The following NDUFB4 variants were observed in gnomAD, a reference collection of about 807,000 sequenced individuals.
NDUFB4 encodes the protein NADH dehydrogenase [ubiquinone] 1 beta subcomplex subunit 4.
A neutral mutation model predicts 14.5 loss-of-function variants in NDUFB4; 10 were observed. The observed-to-expected ratio is 0.69, with a 90% confidence interval of 0.43 to 1.17. NDUFB4 has a LOEUF of 1.17. Ranked by LOEUF, NDUFB4 falls within the 50% of genes most tolerant of loss-of-function variation. NDUFB4 has a pLI of 0.00. For missense variants in NDUFB4, 165 were observed against 161.1 expected (o/e 1.02, Z -0.13); for synonymous variants, 65 against 63.4 (o/e 1.03, Z -0.12).
At position 120,601,544 on chromosome 3, in the gene NDUFB4, G is replaced by A. The variant is rs560914091; in HGVS notation, c.327+287G>A. ...ACATAAATCATTTAGTACGTTTCCT[G>A]TTTGCGTGAATTCTATTTATGTTGG... is the stretch of plus-strand genomic sequence containing the variant. On this transcript the variant is annotated intron_variant, in intron 2 of 2. Transcript: ENST00000184266. 1.4e-5 allele frequency: 17 copies of A among 1,240,036 alleles called. No individual in the cohort carries two copies. In the African/African-American group the frequency reaches 2.5e-4, roughly 18 times the overall value. The allele number at this position is 1,240,036 out of a possible 1,614,324, so 76.8% of individuals were successfully genotyped here. A position where few individuals can be genotyped will look rare whatever the true frequency, so the allele number is the denominator to read the frequency against.
chr3:120,596,701 C>T, intron 1 of NDUFB4, 162 bp downstream of exon 1: 1 of 780,060 alleles, frequency 1.3e-6, no homozygotes, highest in Non-Finnish European at 2.0e-6. Context: ...CAGAGCTTGG[C>T]CCTCGAGAGG....
At chr3:120,598,072 A>G (rs1195282901) in intron 1 of NDUFB4, among the ~76,000 whole-genome samples, 3 of 147,380 alleles carry the variant, frequency 2.0e-5, no homozygotes, top group African/African-American at 7.6e-5. Context: ...TTTTCCCTTG[A>G]GACAGGATCT....
intron 1 of NDUFB4, among the ~76,000 whole-genome samples, chr3:120,598,137 C>T (rs1939998089): frequency 6.6e-6 from 1 of 151,558 alleles, no homozygotes; most frequent in East Asian, 1.9e-4. Flanking sequence ...ACTGCAACCT[C>T]TGCCTCCCGG....
intron 1 of NDUFB4, among the ~76,000 whole-genome samples, chr3:120,598,876 A>G (rs1940010314): frequency 6.6e-6 from 1 of 152,168 alleles, no homozygotes; most frequent in Non-Finnish European, 1.5e-5. Context: ...AAGGACTTTT[A>G]CTGAATAGAG....
At chr3:120,598,948 A>G (rs1015674416) in intron 1 of NDUFB4, among the ~76,000 whole-genome samples, 4 of 152,076 alleles carry the variant, frequency 2.6e-5, no homozygotes, top group Non-Finnish European at 4.4e-5. Context: ...ACTATGGGGG[A>G]AAGGACAGGA....
intron 1 of NDUFB4, 27 bp from the exon 2 acceptor site, chr3:120,601,084 A>T: frequency 6.3e-7 from 1 of 1,583,214 alleles, no homozygotes; most frequent in Non-Finnish European, 8.6e-7. Context: ...CTTAAGTTCT[A>T]TAACTTTTTG....
At chr3:120,600,130 T>G (rs965313584) in intron 1 of NDUFB4, among the ~76,000 whole-genome samples, 3 of 147,534 alleles carry the variant, frequency 2.0e-5, no homozygotes, top group Non-Finnish European at 3.0e-5. Flanking sequence ...TGTTTTTTTT[T>G]TTTTTTAAAC....
At chr3:120,597,065 T>C (rs1939975383) in intron 1 of NDUFB4, among the ~76,000 whole-genome samples, 2 of 147,196 alleles carry the variant, frequency 1.4e-5, no homozygotes, top group African/African-American at 5.0e-5. Flanking sequence ...TATATGCATA[T>C]ATATTTTATA....
intron 2 of NDUFB4, chr3:120,602,003 C>T (rs768169074): frequency 1.4e-5 from 19 of 1,313,848 alleles, no homozygotes; most frequent in East Asian, 3.0e-5. Context: ...TTTAGTTCCT[C>T]GGATTACTGT....
At chr3:120,598,829 G>T (rs1235243274) in intron 1 of NDUFB4, among the ~76,000 whole-genome samples, 1 of 152,172 alleles carries the variant, frequency 6.6e-6, no homozygotes, top group African/African-American at 2.4e-5. Context: ...TGAGGGCAGA[G>T]TGGGACAAGA....
rs973437489 is a variant in NDUFB4 at position 120,596,668 on chromosome 3, A to G, written c.180+129A>G. The G allele has an allele frequency of 1.4e-4, 140 of 1,032,884 alleles. 1 individual carries two copies. Among genetic ancestry groups the G allele is most frequent in the Non-Finnish European group, 3.3e-5 (23 of 700,392 alleles). 64.0% of individuals were successfully genotyped at this position (1,032,884 alleles called of 1,614,324 possible). ...GCAGGTCCTCTTCCAGGCCTAGCCA[A>G]CTCACTACCCTTTTACCTTTGCCAG... is the stretch of plus-strand genomic sequence containing the variant. On this transcript the variant is annotated intron_variant, in intron 1 of 2. Coordinates refer to ENST00000184266, the MANE Select transcript of NDUFB4 (RefSeq NM_004547.6).
intron 1 of NDUFB4, among the ~76,000 whole-genome samples, chr3:120,600,117 TTTTG>T (rs966502536): frequency 6.9e-6 from 1 of 145,066 alleles, no homozygotes. Context: ...AGGTTTTTTT[TTTTG>T]TTTTTTTTTT....
Position 120,596,504 on chromosome 3 carries a change from C to G in NDUFB4, c.145C>G (p.Leu49Val). The G allele has an allele frequency of 6.2e-7, 1 of 1,613,972 alleles. No homozygotes were observed. Among genetic ancestry groups the G allele is most frequent in the Non-Finnish European group, 8.5e-7 (1 of 1,179,946 alleles). The part of the protein sequence containing the change: ...IRAQLKREYL[L>V]QYNDPNRRGL... ...AGCCCAGCTGAAACGAGAGTACCTG[C>G]TTCAGTACAACGATCCCAACCGCCG... Residue 49 changes from leucine (L) to valine (V), a missense_variant, in exon 1 of 3, where the codon CTT becomes GTT. By Grantham distance (32) the Leu-to-Val change is conservative. Transcript: ENST00000184266.
At chr3:120,601,542 C>A in intron 2 of NDUFB4, 1 of 1,250,056 alleles carries the variant, frequency 8.0e-7, no homozygotes, top group Non-Finnish European at 1.0e-6. Flanking sequence ...AGTACGTTTC[C>A]TGTTTGCGTG....
chr3:120,601,796 TGGC>T (rs1440215106), intron 2 of NDUFB4: 7 of 1,022,626 alleles, frequency 6.8e-6, no homozygotes, highest in Non-Finnish European at 8.2e-6. Context: ...TGTCTTTAAC[TGGC>T]CCATCTGCAT....
Position 120,602,458 on chromosome 3 carries a change from A to G in NDUFB4, c.*188A>G. 1 of 555,326 alleles carries G rather than the reference A, an allele frequency of 1.8e-6. No homozygotes were observed. Among genetic ancestry groups the G allele is most frequent in the Non-Finnish European group, 3.2e-6 (1 of 313,492 alleles). 34.4% of individuals were successfully genotyped at this position (555,326 alleles called of 1,614,324 possible). On this transcript the variant is annotated 3_prime_UTR_variant, in exon 3 of 3. Coordinates refer to ENST00000184266, the MANE Select transcript of NDUFB4 (RefSeq NM_004547.6). ...GAGTGACAGCAAACATTTGCTGTAC[A>G]TTGAATGAATGAACATAAACTTCAT...
chr3:120,596,966 ATATATATATTC>A (rs1249963399), intron 1 of NDUFB4, among the ~76,000 whole-genome samples: 17 of 145,792 alleles, frequency 1.2e-4, no homozygotes, highest in Admixed American at 1.2e-3. Flanking sequence ...ATATTATATT[ATATATATATTC>A]TATATATATG....
Position 120,602,096 on chromosome 3 carries a change from G to T in NDUFB4, c.328-112G>T, listed in dbSNP as rs369580076. ...TCATTCTGTTTGTCAGTTGTACGGT[G>T]GGTTGTGCCAAAATGCAGTTTTTCT... On this transcript the variant is annotated intron_variant, in intron 2 of 2. Coordinates refer to ENST00000184266, the MANE Select transcript of NDUFB4 (RefSeq NM_004547.6). 5.3e-6 allele frequency: 8 copies of T among 1,510,102 alleles called. No homozygotes were observed. In the East Asian group the frequency reaches 2.0e-4, roughly 38 times the overall value. 93.5% of individuals were successfully genotyped at this position (1,510,102 alleles called of 1,614,324 possible).
chr3:120,600,869 C>T, intron 1 of NDUFB4: 5 of 455,572 alleles, frequency 1.1e-5, no homozygotes, highest in South Asian at 6.2e-5. Flanking sequence ...CTTAAATAAA[C>T]AGAAAGCTAA....
Sources: gnomAD v4.1 joint callset for allele counts (sites outside exome capture counted in the v4.1 genomes callset) on GRCh38, gnomAD v4.1.1 for gene constraint, MANE v1.5 for transcripts, NCBI Gene and HGNC (gene_info 2026-07-23, HGNC 2026-07-21) for gene names.